The following ENTPD1 variants were observed in gnomAD, a reference collection of about 807,000 sequenced individuals.
ENTPD1 encodes the protein ectonucleoside triphosphate diphosphohydrolase 1.
A neutral mutation model predicts 57.0 loss-of-function variants in ENTPD1; 33 were observed. The ratio of observed to expected loss-of-function variants is 0.58; its 90% CI spans 0.44 to 0.77. The LOEUF (loss-of-function observed/expected upper bound fraction) is 0.77. ENTPD1 is among the 30% of genes least tolerant of loss of function. The pLI is 0.00. For missense variants in ENTPD1, 501 were observed against 603.4 expected (o/e 0.83, Z 1.78); for synonymous variants, 202 against 218.8 (o/e 0.92, Z 0.68).
At chr10:95,830,766 G>A (rs1164454273) in intron 2 of ENTPD1, among the ~76,000 whole-genome samples, 1 of 152,200 alleles carries the variant, frequency 6.6e-6, no homozygotes, top group South Asian at 2.1e-4. Context: ...TCACGCCACT[G>A]TACTCCAGCC....
At chr10:95,763,169 C>T (rs1348545419) in intron 1 of ENTPD1, among the ~76,000 whole-genome samples, 1 of 152,064 alleles carries the variant, frequency 6.6e-6, no homozygotes, top group Non-Finnish European at 1.5e-5. Context: ...AAGTGATCTG[C>T]CTGCCTAGGC....
rs57407553 is a variant in ENTPD1, at chr10:95,758,002, C to CAAAAAAAAAAAAAA, written c.16+1762_16+1775dup. On this transcript the variant is annotated intron_variant, in intron 1 of 9. Coordinates refer to ENST00000371205, the MANE Select transcript of ENTPD1 (RefSeq NM_001776.6). Reference sequence around the variant, plus strand: ...CCTGGGCGAGAGTGAGACACTGTCTCAAAAAAAAAAAAAAAAAAAAAAAAA... The same window carrying CAAAAAAAAAAAAAA: ...CCTGGGCGAGAGTGAGACACTGTCTCAAAAAAAAAAAAAAAAAAAAAAAAAAAAAAAAAAAAAAA... 4.5e-4 allele frequency among the ~76,000 whole-genome samples: 12 copies of CAAAAAAAAAAAAAA among 26,414 alleles called. 1 individual carries two copies. The highest frequency in any genetic ancestry group is 8.6e-4 in the African/African-American group (9 of 10,434). The allele number at this position is 26,414 out of a possible 152,430, so 17.3% of individuals were successfully genotyped here.
At chr10:95,774,112 G>C (rs1433919858) in intron 1 of ENTPD1, among the ~76,000 whole-genome samples, 1 of 152,156 alleles carries the variant, frequency 6.6e-6, no homozygotes, top group African/African-American at 2.4e-5. Context: ...TAATGTGTCT[G>C]TTGGCTGCAT....
chr10:95,729,357 G>T (rs997096119), intron 1 of ENTPD1, among the ~76,000 whole-genome samples: 1 of 152,162 alleles, frequency 6.6e-6, no homozygotes, highest in Non-Finnish European at 1.5e-5. Flanking sequence ...TTGGGAAGGA[G>T]GTTCTACTCA....
chr10:95,811,169 A>C (rs2098305315), intron 1 of ENTPD1, among the ~76,000 whole-genome samples: 1 of 152,234 alleles, frequency 6.6e-6, no homozygotes. Context: ...ATTTCCCTCA[A>C]AATAGAACTT....
At chr10:95,706,657 C>T in the ENTPD1 span, among the ~76,000 whole-genome samples, 3 of 152,208 alleles carry the variant, frequency 2.0e-5, no homozygotes, top group Admixed American at 2.0e-4. Flanking sequence ...TCTCTGTCCT[C>T]TGCATCCTCT....
intron 2 of ENTPD1, among the ~76,000 whole-genome samples, chr10:95,828,562 AC>A (rs1451131881): frequency 6.6e-6 from 1 of 152,124 alleles, no homozygotes; most frequent in Non-Finnish European, 1.5e-5. Flanking sequence ...AAGGTTGGAG[AC>A]CACTGATTTA....
At chr10:95,766,443 A>G (rs1448297808) in intron 1 of ENTPD1, among the ~76,000 whole-genome samples, 3 of 152,178 alleles carry the variant, frequency 2.0e-5, no homozygotes, top group African/African-American at 7.2e-5. Flanking sequence ...AGATTCTCTA[A>G]CAGTGCTTCA....
rs2098484589 is a variant in ENTPD1, at chr10:95,875,305, C to T, written c.*8922C>T. 1 of 152,308 alleles carries T rather than the reference C, an allele frequency of 6.6e-6. No homozygotes were observed. The allele number at this position is 152,308 out of a possible 1,614,324, so 9.4% of individuals were successfully genotyped here. A position where few individuals can be genotyped will look rare whatever the true frequency, so the allele number is the denominator to read the frequency against. On this transcript the variant is annotated 3_prime_UTR_variant, in exon 10 of 10. Coordinates refer to ENST00000371205, the MANE Select transcript of ENTPD1 (RefSeq NM_001776.6). ...TTCCACCAGATACCCTAAGTCATCTCTCTCAAGCTCTAAGTTCCACAAATC... is the reference window on the plus strand; with the variant it reads ...TTCCACCAGATACCCTAAGTCATCTTTCTCAAGCTCTAAGTTCCACAAATC...
intron 8 of ENTPD1, 98 bp from the exon 9 acceptor site, chr10:95,864,626 G>C (rs2098470843): frequency 6.5e-7 from 1 of 1,545,666 alleles, no homozygotes; most frequent in East Asian, 2.2e-5. Context: ...ACTGGAGCTG[G>C]GGCTTTCCCC....
intron 1 of ENTPD1, among the ~76,000 whole-genome samples, chr10:95,781,776 G>C (rs935216813): frequency 2.6e-5 from 4 of 152,152 alleles, no homozygotes; most frequent in African/African-American, 9.7e-5. Flanking sequence ...GGTTTGCCCA[G>C]ATTCTCCCAT....
chr10:95,752,794 A>G (rs2098014167), upstream of ENTPD1, among the ~76,000 whole-genome samples: 1 of 152,166 alleles, frequency 6.6e-6, no homozygotes, highest in Admixed American at 6.5e-5. Flanking sequence ...AGCCTCCCAA[A>G]ATGCTGGGGT....
the ENTPD1 span, among the ~76,000 whole-genome samples, chr10:95,704,687 C>T: frequency 2.6e-5 from 4 of 151,964 alleles, no homozygotes; most frequent in Non-Finnish European, 4.4e-5. Context: ...GCTTCTAGAA[C>T]GTGATGTAAG....
intron 1 of ENTPD1, among the ~76,000 whole-genome samples, chr10:95,771,577 C>T (rs560737224): frequency 3.9e-5 from 6 of 152,262 alleles, no homozygotes; most frequent in African/African-American, 1.2e-4. Context: ...AGCATTTCAG[C>T]CTCCTTTTAG....
At chr10:95,857,088 GAAAT>G (rs2098456434) in intron 7 of ENTPD1, among the ~76,000 whole-genome samples, 1 of 151,948 alleles carries the variant, frequency 6.6e-6, no homozygotes, top group Admixed American at 6.6e-5. Flanking sequence ...CATGTTTTGA[GAAAT>G]AAATAAGAGC....
Position 95,823,210 on chromosome 10 carries a change from A to AT in ENTPD1, c.17-20dup, listed in dbSNP as rs1243528396. The AT allele has an allele frequency of 1.9e-6, 3 of 1,613,324 alleles. No homozygotes were observed. In the Admixed American group the frequency reaches 5.0e-5, roughly 27 times the overall value. On this transcript the variant is annotated intron_variant, in intron 1 of 9. Transcript: ENST00000371205. ...TCAGTGTTTTTGATTTCTTGTTGGT[A>AT]TTTTTTTCTTCTGCTTTTGGTTTTA...
At chr10:95,764,014 A>G (rs547654133) in intron 1 of ENTPD1, among the ~76,000 whole-genome samples, 1 of 152,334 alleles carries the variant, frequency 6.6e-6, no homozygotes, top group African/African-American at 2.4e-5. Context: ...TTCACATATC[A>G]TACGATTCAC....
chr10:95,866,689 C>A lies in ENTPD1; in HGVS notation c.*306C>A. On this transcript the variant is annotated 3_prime_UTR_variant, in exon 10 of 10. Coordinates refer to ENST00000371205, the MANE Select transcript of ENTPD1 (RefSeq NM_001776.6). The stretch of plus-strand genomic sequence containing the variant: ...TCATAATCTTTGCTTTATAAAAGAA[C>A]AATATTGACTTTGTCTAGAAGAACT... 1 of 1,215,600 alleles carries A rather than the reference C, an allele frequency of 8.2e-7. No homozygotes were observed. The highest frequency in any genetic ancestry group is 1.0e-6 in the Non-Finnish European group (1 of 962,862). The allele number at this position is 1,215,600 out of a possible 1,614,324, so 75.3% of individuals were successfully genotyped here.
chr10:95,697,805 A>G, the ENTPD1 span, among the ~76,000 whole-genome samples: 1 of 152,230 alleles, frequency 6.6e-6, no homozygotes, highest in Non-Finnish European at 1.5e-5. Flanking sequence ...ATCCTGTTTC[A>G]GGCATTCTGT....
Sources: gnomAD v4.1 joint callset for allele counts (sites outside exome capture counted in the v4.1 genomes callset) on GRCh38, gnomAD v4.1.1 for gene constraint, MANE v1.5 for transcripts, NCBI Gene and HGNC (gene_info 2026-07-23, HGNC 2026-07-21) for gene names.